The following CGNL1 variants were observed in gnomAD, a reference collection of about 807,000 sequenced individuals.
The protein encoded by CGNL1 is cingulin like 1, also known as cingulin-like protein 1.
A neutral mutation model predicts 141.2 loss-of-function variants in CGNL1; 132 were observed. That is an observed-to-expected ratio of 0.93 (90% confidence interval 0.81 to 1.08). CGNL1 has a LOEUF of 1.08. Among genes scored for constraint, CGNL1 ranks in the 50% least tolerant of loss-of-function variants. The pLI, the probability that CGNL1 is intolerant of heterozygous loss-of-function variation, is 0.00. For missense variants in CGNL1, 1,870 were observed against 1,588.6 expected, an observed-to-expected ratio of 1.18 and a Z score of -3.01; for synonymous variants, 690 against 622.1, an observed-to-expected ratio of 1.11 and a Z score of -1.63.
intron 12 of CGNL1, among the ~76,000 whole-genome samples, chr15:57,528,440 T>C (rs1244274659): frequency 6.6e-6 from 1 of 152,202 alleles, no homozygotes; most frequent in African/African-American, 2.4e-5. Flanking sequence ...TGTAACCTAA[T>C]AGGTTGCTGC....
At chr15:57,528,013 C>T (rs992526628) in intron 12 of CGNL1, among the ~76,000 whole-genome samples, 1 of 152,222 alleles carries the variant, frequency 6.6e-6, no homozygotes, top group African/African-American at 2.4e-5. Context: ...AATCCCAATA[C>T]TTTGGGAGAC....
rs80202833 is a variant in CGNL1 at position 57,443,412 on chromosome 15, T to C, written c.1803+934T>C. On this transcript the variant is annotated intron_variant, in intron 4 of 18. Transcript: ENST00000281282. The stretch of plus-strand genomic sequence containing the variant: ...GGAACTCATTTCTTGCTTGTCCATC[T>C]TCCTTTCCCCTCCCAGGGGAGTTCT... 1.3e-3 allele frequency among the ~76,000 whole-genome samples: 194 copies of C among 152,342 alleles called. 3 individuals are homozygous for C. In the East Asian group the frequency reaches 0.029, roughly 23 times the overall value.
chr15:57,461,844 T>A lies in CGNL1; in HGVS notation c.2355T>A (p.Tyr785Ter), dbSNP rs1378751869. Reference protein sequence around the residue: ...DQEMDKLKEQYDAELQALRES... With the variant: ...DQEMDKLKEQ ...AGATGGACAAGCTGAAGGAGCAATATGATGCTGAGTTGCAGGCCCTGAGGG... is the reference window on the plus strand; with the variant it reads ...AGATGGACAAGCTGAAGGAGCAATAAGATGCTGAGTTGCAGGCCCTGAGGG... Residue 785 changes from tyrosine to a stop codon, truncating the protein, a stop_gained, in exon 8 of 19, where the codon TAT becomes TAA. Transcript: ENST00000281282. LOFTEE classifies it high-confidence loss of function. 9 of 1,613,860 alleles carry A rather than the reference T, an allele frequency of 5.6e-6. No individual in the cohort carries two copies. Among genetic ancestry groups the A allele is most frequent in the Middle Eastern group, 1.6e-4 (1 of 6,084 alleles).
chr15:57,531,658 T>A, intron 13 of CGNL1, 32 bp from the exon 14 acceptor site: 1 of 1,450,072 alleles, frequency 6.9e-7, no homozygotes, highest in South Asian at 1.1e-5. Context: ...CAGTGCAAGT[T>A]AAGTCAACTG....
At chr15:57,377,901 C>A (rs528088349) in intron 1 of CGNL1, among the ~76,000 whole-genome samples, 1 of 152,170 alleles carries the variant, frequency 6.6e-6, no homozygotes, top group Non-Finnish European at 1.5e-5. Flanking sequence ...GACTCCCCCA[C>A]GTAGATAATG....
At chr15:57,476,051 G>A (rs1193261580) in intron 8 of CGNL1, among the ~76,000 whole-genome samples, 2 of 152,164 alleles carry the variant, frequency 1.3e-5, no homozygotes, top group African/African-American at 4.8e-5. Flanking sequence ...TGCGAAATCT[G>A]GGGTGCAGAG....
intron 4 of CGNL1, among the ~76,000 whole-genome samples, chr15:57,443,641 G>A (rs950649196): frequency 6.6e-6 from 1 of 152,098 alleles, no homozygotes; most frequent in East Asian, 1.9e-4. Flanking sequence ...ACACACATAC[G>A]CAATTCCCAC....
intron 8 of CGNL1, among the ~76,000 whole-genome samples, chr15:57,507,821 A>G (rs1181599313): frequency 6.6e-6 from 1 of 152,230 alleles, no homozygotes; most frequent in Non-Finnish European, 1.5e-5. Context: ...GAATTCCAGG[A>G]CTACCTAATG....
rs2063201245 is a variant in CGNL1 at position 57,442,418 on chromosome 15, C to G, written c.1743C>G (p.Val581=). Residue 581 remains valine (V), a synonymous_variant, in exon 4 of 19, where the codon GTC becomes GTG. Coordinates refer to ENST00000281282, the MANE Select transcript of CGNL1 (RefSeq NM_032866.5). ...DDATKRKVNL[V]FEKIQTLKSR... is the part of the protein sequence containing the mutation. ...CTACTAAAAGGAAAGTCAACTTGGTCTTTGAGAAAATCCAGACCTTAAAGT... is the reference window on the plus strand; with the variant it reads ...CTACTAAAAGGAAAGTCAACTTGGTGTTTGAGAAAATCCAGACCTTAAAGT... The G allele has an allele frequency of 3.1e-6, 5 of 1,613,610 alleles. No homozygotes were observed. Among genetic ancestry groups the G allele is most frequent in the Non-Finnish European group, 2.5e-6 (3 of 1,179,688 alleles).
rs560098427 is a variant in CGNL1 at position 57,439,249 on chromosome 15, A to G, written c.1250A>G (p.His417Arg). 3.1e-6 allele frequency: 5 copies of G among 1,613,870 alleles called. No homozygotes were observed. Among genetic ancestry groups the G allele is most frequent in the East Asian group, 2.2e-5 (1 of 44,870 alleles). ...AGGAACTTGGGCAAGTCAAGCGAAC[A>G]CCTCCTCCGGCCTTCCCAGGTGTGC... ...FSRNLGKSSEHLLRPSQVCPQ... is the reference protein window; with the variant it reads ...FSRNLGKSSERLLRPSQVCPQ... The change falls in exon 2 of 19, where the codon CAC becomes CGC. Residue 417 changes from histidine (H) to arginine (R), a missense_variant. His to Arg is a conservative substitution (Grantham distance 29). Transcript: ENST00000281282.
chr15:57,470,008 A>G (rs1204234465), intron 8 of CGNL1, among the ~76,000 whole-genome samples: 2 of 152,222 alleles, frequency 1.3e-5, no homozygotes, highest in African/African-American at 4.8e-5. Context: ...CAAGGGAGCC[A>G]GGTTAGCTAG....
chr15:57,448,780 T>G (rs2063287571), intron 4 of CGNL1, among the ~76,000 whole-genome samples: 1 of 152,236 alleles, frequency 6.6e-6, no homozygotes, highest in Admixed American at 6.5e-5. Flanking sequence ...TTTATTTTAT[T>G]TAGTTACTGG....
chr15:57,497,042 C>A (rs1380530995), intron 8 of CGNL1, among the ~76,000 whole-genome samples: 1 of 152,146 alleles, frequency 6.6e-6, no homozygotes, highest in Non-Finnish European at 1.5e-5. Flanking sequence ...AGCAGCAGAC[C>A]CCAGGAATGG....
chr15:57,532,493 A>ATG (rs2032004904), intron 14 of CGNL1, among the ~76,000 whole-genome samples: 1 of 152,212 alleles, frequency 6.6e-6, no homozygotes, highest in Non-Finnish European at 1.5e-5. Context: ...AAGCCTTTGG[A>ATG]TAATACTGCA....
Position 57,387,097 on chromosome 15 carries a change from C to T in CGNL1, c.-16+10530C>T, listed in dbSNP as rs116571596. On this transcript the variant is annotated intron_variant, in intron 1 of 18. Coordinates refer to ENST00000281282, the MANE Select transcript of CGNL1 (RefSeq NM_032866.5). ...GCAGTCACTCCACGTTCCTCCCTTCCCCCAGCCACTCCCTCCCTGCGAGCC... is the reference window on the plus strand; with the variant it reads ...GCAGTCACTCCACGTTCCTCCCTTCTCCCAGCCACTCCCTCCCTGCGAGCC... 6.8e-3 allele frequency among the ~76,000 whole-genome samples: 1,028 copies of T among 152,270 alleles called. 13 individuals are homozygous for T. Among genetic ancestry groups the T allele is most frequent in the African/African-American group, 0.024 (993 of 41,546 alleles).
intron 1 of CGNL1, among the ~76,000 whole-genome samples, chr15:57,412,218 T>G (rs966753397): frequency 3.3e-5 from 5 of 152,212 alleles, no homozygotes; most frequent in African/African-American, 9.6e-5. Flanking sequence ...GCAGTGGATG[T>G]TAGTGGGTGG....
chr15:57,473,497 C>G (rs2063609113), intron 8 of CGNL1, among the ~76,000 whole-genome samples: 1 of 152,186 alleles, frequency 6.6e-6, no homozygotes, highest in Non-Finnish European at 1.5e-5. Context: ...GTGACCTGAG[C>G]CTTCTGGGCC....
At chr15:57,530,261 G>A (rs555346572) in intron 13 of CGNL1, among the ~76,000 whole-genome samples, 10 of 152,224 alleles carry the variant, frequency 6.6e-5, no homozygotes, top group East Asian at 3.8e-4. Context: ...TAAAGAGATC[G>A]TTTCCTTTGG....
intron 1 of CGNL1, among the ~76,000 whole-genome samples, chr15:57,425,797 C>A (rs2062966748): frequency 6.6e-6 from 1 of 150,962 alleles, no homozygotes; most frequent in Non-Finnish European, 1.5e-5. Flanking sequence ...TACTGACAAA[C>A]CCTAAAAGGT....
Sources: allele counts gnomAD v4.1 joint callset (sites outside exome capture counted in the v4.1 genomes callset), GRCh38; gene constraint gnomAD v4.1.1; transcripts MANE v1.5; gene names NCBI Gene and HGNC (gene_info 2026-07-23, HGNC 2026-07-21).